The following ZBTB7C variants were observed in gnomAD, a reference collection of about 807,000 sequenced individuals.
The protein encoded by ZBTB7C is zinc finger and BTB domain containing 7C.
ZBTB7C carries 8 observed loss-of-function variants against 25.7 expected under a neutral mutation model. That is an observed-to-expected ratio of 0.31 (90% CI 0.18 to 0.56). ZBTB7C has a LOEUF of 0.56. Ranked by LOEUF, ZBTB7C falls within the 20% of genes least tolerant of loss-of-function variation. ZBTB7C has a pLI of 0.91. For missense variants in ZBTB7C, 824 were observed against 855.2 expected, an observed-to-expected ratio of 0.96 and a Z score of 0.46; for synonymous variants, 394 against 369.0, an observed-to-expected ratio of 1.07 and a Z score of -0.78.
chr18:48,393,275 C>A (rs1343522076), intron 1 of ZBTB7C, among the ~76,000 whole-genome samples: 1 of 129,878 alleles, frequency 7.7e-6, no homozygotes, highest in African/African-American at 2.9e-5. Context: ...GCCATCCCAC[C>A]AGGCCTGCTC....
intron 3 of ZBTB7C, among the ~76,000 whole-genome samples, chr18:48,080,785 C>G (rs989390928): frequency 6.6e-6 from 1 of 152,150 alleles, no homozygotes; most frequent in East Asian, 1.9e-4. Flanking sequence ...GCCAGGCAAC[C>G]CCAGAGCCCA....
intron 4 of ZBTB7C, among the ~76,000 whole-genome samples, chr18:48,038,547 C>CT (rs200367018): frequency 3.0e-3 from 394 of 132,202 alleles, no homozygotes; most frequent in East Asian, 8.3e-3. Context: ...GAGGACTCAT[C>CT]TTTTTTTTTT....
chr18:48,183,553 A>G (rs2041982130), intron 3 of ZBTB7C, among the ~76,000 whole-genome samples: 1 of 152,222 alleles, frequency 6.6e-6, no homozygotes, highest in Non-Finnish European at 1.5e-5. Flanking sequence ...CCAAAATACA[A>G]TCTTACTGCA....
chr18:48,364,494 G>C (rs1260765655), intron 1 of ZBTB7C, among the ~76,000 whole-genome samples: 2 of 152,202 alleles, frequency 1.3e-5, no homozygotes. Flanking sequence ...AAAGGCTTGT[G>C]GTCGAGAAAT....
chr18:48,386,341 AG>A (rs573669353), intron 1 of ZBTB7C, among the ~76,000 whole-genome samples: 28 of 152,364 alleles, frequency 1.8e-4, no homozygotes, highest in African/African-American at 6.5e-4. Context: ...GAGCGTCCAC[AG>A]GGGAAGAACA....
At position 48,141,151 on chromosome 18, in the gene ZBTB7C, C is replaced by CG. The variant is rs905301188; in HGVS notation, c.-17+44782_-17+44783insC. Among the ~76,000 whole-genome samples, 475 of 145,486 alleles carry CG rather than the reference C, an allele frequency of 3.3e-3. 7 individuals are homozygous for CG. Among genetic ancestry groups the CG allele is most frequent in the South Asian group, 0.028 (120 of 4,340 alleles). On this transcript the variant is annotated intron_variant, in intron 3 of 4. Coordinates refer to ENST00000590800, the MANE Select transcript of ZBTB7C (RefSeq NM_001318841.2). ...ATAGGCATCCCCCCCGCACCACCCC[C>CG]CCCACTGTTCCTTCTCCTTCCTGCT...
chr18:48,177,008 T>G (rs1263658836), intron 3 of ZBTB7C, among the ~76,000 whole-genome samples: 4 of 152,246 alleles, frequency 2.6e-5, no homozygotes, highest in South Asian at 2.1e-4. Context: ...AAAGAGATGA[T>G]GCCTGCAAGA....
intron 3 of ZBTB7C, among the ~76,000 whole-genome samples, chr18:48,135,228 T>A (rs540223787): frequency 6.6e-6 from 1 of 152,176 alleles, no homozygotes; most frequent in African/African-American, 2.4e-5. Context: ...CCTGGACACA[T>A]ACAGTAAACA....
intron 3 of ZBTB7C, among the ~76,000 whole-genome samples, chr18:48,059,708 A>C (rs1306525136): frequency 4.6e-5 from 7 of 152,158 alleles, no homozygotes. Flanking sequence ...CTTTCCTGAC[A>C]CTTAATTCCA....
intron 3 of ZBTB7C, among the ~76,000 whole-genome samples, chr18:48,068,581 G>A (rs1366907528): frequency 6.6e-6 from 1 of 152,102 alleles, no homozygotes; most frequent in Non-Finnish European, 1.5e-5. Context: ...TGGAGCCTGG[G>A]CATCAGTGTT....
At chr18:48,359,409 A>T (rs984330654) in intron 1 of ZBTB7C, among the ~76,000 whole-genome samples, 6 of 152,246 alleles carry the variant, frequency 3.9e-5, no homozygotes, top group African/African-American at 1.4e-4. Context: ...GTAACACAGC[A>T]ATCTTATAAT....
chr18:48,136,960 A>G (rs1315483916), intron 3 of ZBTB7C: 2 of 965,342 alleles, frequency 2.1e-6, no homozygotes, highest in Non-Finnish European at 2.5e-6. Flanking sequence ...GGCTCCCCAG[A>G]GCCCCGATCC....
chr18:48,393,184 C>T (rs1186522839), intron 1 of ZBTB7C, among the ~76,000 whole-genome samples: 4 of 152,026 alleles, frequency 2.6e-5, no homozygotes, highest in Non-Finnish European at 5.9e-5. Flanking sequence ...GGGTGGGACT[C>T]GAGTGGAATC....
intron 2 of ZBTB7C, among the ~76,000 whole-genome samples, chr18:48,287,751 T>C (rs576141521): frequency 6.6e-6 from 1 of 152,306 alleles, no homozygotes; most frequent in East Asian, 1.9e-4. Context: ...AAAAAATGGC[T>C]TAACATTAGA....
rs149307072 is a variant in ZBTB7C, at chr18:48,267,819, C to T, written c.-79+70355G>A. Among the ~76,000 whole-genome samples, 5 of 152,310 alleles carry T rather than the reference C, an allele frequency of 3.3e-5. 1 individual carries two copies. The highest frequency in any genetic ancestry group is 4.1e-4 in the South Asian group (2 of 4,822). Reference sequence around the variant, plus strand: ...CAATAAACAGCTGGTTGTAAGCCAGCGTGCAGCCCCTCACCAGACACCAAA... The same window carrying T: ...CAATAAACAGCTGGTTGTAAGCCAGTGTGCAGCCCCTCACCAGACACCAAA... On this transcript the variant is annotated intron_variant, in intron 2 of 4. Transcript: ENST00000590800.
At position 48,186,885 on chromosome 18, in the gene ZBTB7C, C is replaced by T. The variant is rs550275249; in HGVS notation, c.-78-890G>A. Among the ~76,000 whole-genome samples the T allele has an allele frequency of 2.0e-5, 3 of 152,304 alleles. No individual in the cohort carries two copies. In the South Asian group the frequency reaches 6.2e-4, roughly 32 times the overall value. On this transcript the variant is annotated intron_variant, in intron 2 of 4. Coordinates refer to ENST00000590800, the MANE Select transcript of ZBTB7C (RefSeq NM_001318841.2). The stretch of plus-strand genomic sequence containing the variant: ...GAAGGTGGGGAAATAACTTACCAAG[C>T]AAGGGCACAAAGCATTTGCTACCTC...
chr18:48,119,133 C>A (rs547995113), intron 3 of ZBTB7C, among the ~76,000 whole-genome samples: 9 of 152,048 alleles, frequency 5.9e-5, no homozygotes, highest in Non-Finnish European at 1.3e-4. Flanking sequence ...GGTCCCAAGA[C>A]TCTGCATTTC....
intron 3 of ZBTB7C, among the ~76,000 whole-genome samples, chr18:48,153,792 C>A (rs1292762847): frequency 1.3e-5 from 2 of 152,188 alleles, no homozygotes; most frequent in African/African-American, 2.4e-5. Flanking sequence ...AAGCTCCTGG[C>A]CTCATGAAAT....
chr18:48,145,527 A>G (rs758058095), intron 3 of ZBTB7C, among the ~76,000 whole-genome samples: 6 of 152,220 alleles, frequency 3.9e-5, no homozygotes, highest in Non-Finnish European at 7.3e-5. Context: ...TCTCCTCCAC[A>G]AATATTGGTA....
Sources: allele counts gnomAD v4.1 joint callset (sites outside exome capture counted in the v4.1 genomes callset), GRCh38; gene constraint gnomAD v4.1.1; transcripts MANE v1.5; gene names NCBI Gene and HGNC (gene_info 2026-07-23, HGNC 2026-07-21).